Variants in HDAC9 observed in about 807,000 individuals in gnomAD.
HDAC9 encodes MEF-2 interacting transcription repressor (MITR) protein.
A neutral mutation model predicts 139.4 loss-of-function variants in HDAC9; 41 were observed. That is an observed-to-expected ratio of 0.29 (90% CI 0.23 to 0.38). The LOEUF is 0.38. HDAC9 is among the 10% of genes least tolerant of loss of function. HDAC9 has a pLI of 1.00. For synonymous variants in HDAC9, 517 were observed against 476.2 expected (o/e 1.09, Z -1.12); for missense variants, 1,147 against 1,297.0 (o/e 0.88, Z 1.78).
rs1449353326 is a variant in HDAC9, at chr7:18,836,079, T to C, written c.2684+82T>C. The C allele has an allele frequency of 1.8e-5, 13 of 727,104 alleles. No homozygotes were observed. In the South Asian group the frequency reaches 2.1e-4, roughly 12 times the overall value. The allele number at this position is 727,104 out of a possible 1,614,324, so 45.0% of individuals were successfully genotyped here. ...TAACACCAAATATGGAAGAGAAATG[T>C]AAATGTCTAATTAAGGTAAATTATC... On this transcript the variant is annotated intron_variant, in intron 21 of 25. Transcript: ENST00000686413.
At chr7:18,149,145 A>G (rs957691817) in intron 1 of HDAC9, among the ~76,000 whole-genome samples, 2 of 152,144 alleles carry the variant, frequency 1.3e-5, no homozygotes, top group Admixed American at 1.3e-4. Context: ...GTGTTTTGGT[A>G]TCTCATTGAG....
In HDAC9 at chr7:18,954,170, C is replaced by A; in HGVS notation, c.2962C>A (p.Leu988Ile). Residue 988 changes from leucine to isoleucine, a missense_variant, in exon 24 of 26, where the codon CTC (leucine) becomes ATC (isoleucine). Leu to Ile is a conservative substitution (Grantham distance 5). This residue lies in a region of HDAC9 where 407 missense variants were observed against 521.5 expected (regional missense o/e 0.78). Coordinates refer to ENST00000686413, the MANE Select transcript of HDAC9 (RefSeq NM_178425.4). Reference sequence around the variant, plus strand: ...GCTGGAGCCACTTGCAGAAGATATTCTCCACCAAAGCCCGAATATGAATGC... The same window carrying A: ...GCTGGAGCCACTTGCAGAAGATATTATCCACCAAAGCCCGAATATGAATGC... ...NELEPLAEDI[L>I]HQSPNMNAVI... is the part of the protein sequence containing the mutation. The A allele has an allele frequency of 6.4e-7, 1 of 1,573,992 alleles. No individual in the cohort carries two copies. The highest frequency in any genetic ancestry group is 8.7e-7 in the Non-Finnish European group (1 of 1,154,398).
chr7:18,618,724 T>TTG (rs1369814085), intron 6 of HDAC9, among the ~76,000 whole-genome samples: 3 of 55,712 alleles, frequency 5.4e-5, no homozygotes, highest in South Asian at 7.7e-4. Flanking sequence ...GTACAGAATT[T>TTG]TGTATATATA....
intron 21 of HDAC9, among the ~76,000 whole-genome samples, chr7:18,873,894 G>A (rs963357892): frequency 6.6e-6 from 1 of 152,058 alleles, no homozygotes; most frequent in African/African-American, 2.4e-5. Context: ...CATTCCTGGT[G>A]TGTCTGACTT....
chr7:18,159,517 T>C (rs1171568993), intron 1 of HDAC9, among the ~76,000 whole-genome samples: 1 of 152,224 alleles, frequency 6.6e-6, no homozygotes, highest in Non-Finnish European at 1.5e-5. Flanking sequence ...ATCAATTTTG[T>C]CCCTAAAAGG....
At chr7:18,804,205 A>T (rs919738551) in intron 17 of HDAC9, among the ~76,000 whole-genome samples, 1 of 152,192 alleles carries the variant, frequency 6.6e-6, no homozygotes, top group African/African-American at 2.4e-5. Flanking sequence ...ATATGTGGGG[A>T]AAGAATATTC....
At chr7:18,714,601 A>G (rs1255665734) in intron 12 of HDAC9, among the ~76,000 whole-genome samples, 3 of 152,192 alleles carry the variant, frequency 2.0e-5, no homozygotes, top group Non-Finnish European at 4.4e-5. Flanking sequence ...GACTTTCCAC[A>G]TGCTATGCTG....
chr7:18,264,767 T>C (rs983827446), intron 2 of HDAC9, among the ~76,000 whole-genome samples: 3 of 152,240 alleles, frequency 2.0e-5, no homozygotes, highest in Admixed American at 6.5e-5. Context: ...ATCTATCTTA[T>C]TGACATCTCA....
intron 2 of HDAC9, among the ~76,000 whole-genome samples, chr7:18,536,693 A>G (rs1811025383): frequency 6.6e-6 from 1 of 152,268 alleles, no homozygotes; most frequent in East Asian, 1.9e-4. Flanking sequence ...AATTCTGGAT[A>G]TATAAGAGCT....
intron 17 of HDAC9, among the ~76,000 whole-genome samples, chr7:18,799,960 A>G (rs778821960): frequency 2.0e-4 from 31 of 152,322 alleles, no homozygotes; most frequent in Non-Finnish European, 4.1e-4. Flanking sequence ...ACCTAGACGC[A>G]CCATAATGAA....
At chr7:18,490,833 A>ATGAGTGAG (rs34164569), upstream of HDAC9, among the ~76,000 whole-genome samples, 88 of 151,534 alleles carry the variant, frequency 5.8e-4, no homozygotes, top group African/African-American at 1.7e-3. Context: ...GGTAACATCA[A>ATGAGTGAG]TGAGTGAGTG....
intron 22 of HDAC9, among the ~76,000 whole-genome samples, chr7:18,885,376 C>T (rs1585222719): frequency 1.3e-5 from 2 of 152,190 alleles, no homozygotes. Context: ...CACTATGCCT[C>T]AATGCTTCTC....
At chr7:18,862,942 C>A (rs972752349) in intron 21 of HDAC9, among the ~76,000 whole-genome samples, 2 of 152,022 alleles carry the variant, frequency 1.3e-5, no homozygotes, top group Non-Finnish European at 2.9e-5. Context: ...CAATTTTTTC[C>A]TTTTCTCCTC....
At position 18,454,372 on chromosome 7, in the gene HDAC9, T is replaced by C. The variant is rs1164374565; in HGVS notation, c.-41-41890T>C. On this transcript the variant is annotated intron_variant, in intron 1 of 3. Coordinates refer to the HDAC9 transcript ENST00000413509. ...GCACTTTAAAATTTGCAAAGTGTTA[T>C]GTTTTCAGATACTTTACTTGGTAAT... Among the ~76,000 whole-genome samples the C allele has an allele frequency of 2.6e-5, 4 of 152,084 alleles. No individual in the cohort carries two copies. The East Asian group carries it at 7.7e-4, about 29-fold the overall frequency.
chr7:18,093,448 C>T (rs1255617993), intron 1 of HDAC9, among the ~76,000 whole-genome samples: 1 of 152,180 alleles, frequency 6.6e-6, no homozygotes, highest in Non-Finnish European at 1.5e-5. Context: ...GAACTGGATA[C>T]TGCAAGATGA....
At chr7:18,408,483 C>G (rs563745371) in intron 1 of HDAC9, among the ~76,000 whole-genome samples, 1 of 152,266 alleles carries the variant, frequency 6.6e-6, no homozygotes, top group African/African-American at 2.4e-5. Flanking sequence ...GAGGCTAGTT[C>G]ACATAAATAA....
At chr7:18,284,276 G>A (rs302165) in intron 2 of HDAC9, among the ~76,000 whole-genome samples, 120,578 of 152,072 alleles carry the variant, frequency 0.79, 47,871 homozygotes, top group South Asian at 0.87. Context: ...ACACACATAT[G>A]CACACACATA....
At chr7:18,599,379 G>T (rs193075765) in intron 6 of HDAC9, among the ~76,000 whole-genome samples, 1 of 152,060 alleles carries the variant, frequency 6.6e-6, no homozygotes, top group African/African-American at 2.4e-5. Context: ...TAACAAATGT[G>T]TCATATCATG....
At chr7:18,822,849 A>T (rs1046241278) in intron 17 of HDAC9, among the ~76,000 whole-genome samples, 2 of 152,214 alleles carry the variant, frequency 1.3e-5, no homozygotes, top group African/African-American at 4.8e-5. Flanking sequence ...TAATAATATT[A>T]TCTGCCTAAC....
Sources: allele counts gnomAD v4.1 joint callset (sites outside exome capture counted in the v4.1 genomes callset), GRCh38; gene constraint gnomAD v4.1.1; regional missense constraint gnomAD v4.1.1; transcripts MANE v1.5; gene names NCBI Gene and HGNC (gene_info 2026-07-23, HGNC 2026-07-21).